Variants in NAALADL2 observed in about 807,000 individuals in gnomAD.
NAALADL2 encodes the protein inactive N-acetylated-alpha-linked acidic dipeptidase-like protein 2.
In NAALADL2, 76 loss-of-function variants were observed where a neutral mutation model predicts 87.2. That is an observed-to-expected ratio of 0.87 (90% confidence interval 0.72 to 1.05). NAALADL2 has a LOEUF of 1.05. NAALADL2 is among the 50% of genes least tolerant of loss of function. NAALADL2 has a pLI of 0.00. For missense variants in NAALADL2, 1,089 were observed against 945.8 expected, an observed-to-expected ratio of 1.15 and a Z score of -1.99; for synonymous variants, 354 against 331.0, an observed-to-expected ratio of 1.07 and a Z score of -0.75.
intron 5 of NAALADL2, among the ~76,000 whole-genome samples, chr3:175,436,699 TTTG>T (rs1718732493): frequency 2.0e-5 from 1 of 50,826 alleles, no homozygotes; most frequent in East Asian, 9.5e-4. Context: ...GATGGGGTTG[TTTG>T]TTTTTTCTTG....
chr3:175,225,388 T>G (rs1194207497), intron 2 of NAALADL2, among the ~76,000 whole-genome samples: 1 of 152,134 alleles, frequency 6.6e-6, no homozygotes, highest in Non-Finnish European at 1.5e-5. Context: ...TGATTGTGGT[T>G]ACCATTTACT....
intron 11 of NAALADL2, among the ~76,000 whole-genome samples, chr3:175,733,535 G>A (rs968266234): frequency 2.6e-5 from 4 of 152,092 alleles, no homozygotes; most frequent in African/African-American, 7.2e-5. Context: ...TGAGATTTGG[G>A]TGGGGACACA....
At chr3:174,835,053 A>G (rs192308066) in intron 3 of NAALADL2, among the ~76,000 whole-genome samples, 298 of 152,112 alleles carry the variant, frequency 2.0e-3, no homozygotes, top group Admixed American at 3.0e-3. Context: ...AATACATACT[A>G]TAGAATTAGA....
chr3:174,801,180 A>G (rs1398446348), intron 3 of NAALADL2, among the ~76,000 whole-genome samples: 2 of 152,070 alleles, frequency 1.3e-5, no homozygotes, highest in African/African-American at 2.4e-5. Context: ...GGGCAGAATT[A>G]TATGGTTTGA....
intron 5 of NAALADL2, among the ~76,000 whole-genome samples, chr3:175,402,911 A>G (rs1581743344): frequency 6.6e-6 from 1 of 152,262 alleles, no homozygotes; most frequent in South Asian, 2.1e-4. Flanking sequence ...GGGCAAGGTC[A>G]TATTCACACC....
At chr3:174,954,638 C>T (rs776475707) in intron 1 of NAALADL2, among the ~76,000 whole-genome samples, 2 of 151,988 alleles carry the variant, frequency 1.3e-5, no homozygotes, top group African/African-American at 4.8e-5. Flanking sequence ...ATTTGGTATA[C>T]TCAGTAAACA....
At chr3:175,056,150 C>A (rs6793593) in intron 1 of NAALADL2, among the ~76,000 whole-genome samples, 62,465 of 151,768 alleles carry the variant, frequency 0.41, 14,788 homozygotes, top group African/African-American at 0.66. Context: ...CTGGAGGGTC[C>A]GGCCGCTCTT....
chr3:174,955,352 T>C (rs933805052), intron 1 of NAALADL2, among the ~76,000 whole-genome samples: 126 of 152,212 alleles, frequency 8.3e-4, no homozygotes, highest in African/African-American at 2.9e-3. Flanking sequence ...CACAGACTGA[T>C]TTTCTGGGGT....
intron 1 of NAALADL2, among the ~76,000 whole-genome samples, chr3:175,023,880 T>G (rs766616928): frequency 2.0e-5 from 3 of 152,016 alleles, no homozygotes; most frequent in Non-Finnish European, 4.4e-5. Context: ...AAATTAGCTA[T>G]TTCACTGACA....
At chr3:175,032,529 G>A (rs529055693) in intron 1 of NAALADL2, among the ~76,000 whole-genome samples, 3 of 151,856 alleles carry the variant, frequency 2.0e-5, no homozygotes, top group Non-Finnish European at 4.4e-5. Context: ...TATAGAACTT[G>A]TACCACAATA....
At chr3:175,664,192 G>A (rs1185149586) in intron 11 of NAALADL2, among the ~76,000 whole-genome samples, 1 of 152,022 alleles carries the variant, frequency 6.6e-6, no homozygotes, top group African/African-American at 2.4e-5. Flanking sequence ...ACATCAGTGT[G>A]CTAGATTTAA....
intron 5 of NAALADL2, among the ~76,000 whole-genome samples, chr3:175,330,090 A>C (rs552949138): frequency 1.3e-5 from 2 of 152,178 alleles, no homozygotes; most frequent in Non-Finnish European, 2.9e-5. Flanking sequence ...AGAGACAATC[A>C]GTTTGTTTAG....
chr3:175,272,444 A>G (rs1335714205), intron 4 of NAALADL2, among the ~76,000 whole-genome samples: 1 of 152,118 alleles, frequency 6.6e-6, no homozygotes, highest in Non-Finnish European at 1.5e-5. Context: ...CAGAGTTAAG[A>G]TTAATTGGTT....
chr3:175,743,669 G>T (rs973705243), intron 12 of NAALADL2, among the ~76,000 whole-genome samples: 1 of 152,220 alleles, frequency 6.6e-6, no homozygotes, highest in African/African-American at 2.4e-5. Flanking sequence ...GTAGTGAAAA[G>T]GAGGTAGGAC....
intron 5 of NAALADL2, among the ~76,000 whole-genome samples, chr3:175,384,110 C>A (rs1430121155): frequency 1.3e-5 from 2 of 151,896 alleles, no homozygotes; most frequent in African/African-American, 4.8e-5. Context: ...CTCTTTTCTC[C>A]CCTGCCTTAT....
chr3:175,471,812 A>AT, intron 9 of NAALADL2, 54 bp downstream of exon 9: 1 of 1,426,822 alleles, frequency 7.0e-7, no homozygotes, highest in Non-Finnish European at 9.5e-7. Context: ...CCTTTTCTCT[A>AT]TATTTTGACA....
intron 2 of NAALADL2, among the ~76,000 whole-genome samples, chr3:174,626,041 A>G (rs913728421): frequency 6.6e-6 from 1 of 151,314 alleles, no homozygotes; most frequent in Non-Finnish European, 1.5e-5. Context: ...ATTCAAATAT[A>G]TTTATTGTGC....
chr3:175,584,039 CT>C lies in NAALADL2; in HGVS notation c.1800+7866del, dbSNP rs5854648. On this transcript the variant is annotated intron_variant, in intron 10 of 13. Coordinates refer to ENST00000454872, the MANE Select transcript of NAALADL2 (RefSeq NM_207015.3). ...AGTGAGGAAGGTACTATTGTCACTA[CT>C]TTTTTTTTTTTTTCTGCGATGGAGT... 7.7e-4 allele frequency among the ~76,000 whole-genome samples: 111 copies of C among 144,084 alleles called. 1 individual carries two copies. The highest frequency in any genetic ancestry group is 6.4e-3 in the East Asian group (32 of 4,972). The allele number at this position is 144,084 out of a possible 152,430, so 94.5% of individuals were successfully genotyped here. A position where few individuals can be genotyped will look rare whatever the true frequency, so the allele number is the denominator to read the frequency against.
At chr3:174,897,342 C>A (rs926322719) in intron 1 of NAALADL2, among the ~76,000 whole-genome samples, 2 of 150,772 alleles carry the variant, frequency 1.3e-5, no homozygotes, top group South Asian at 4.2e-4. Context: ...ATAATCTTAT[C>A]AAAAAGTGGG....
Sources: allele counts gnomAD v4.1 joint callset (sites outside exome capture counted in the v4.1 genomes callset), GRCh38; gene constraint gnomAD v4.1.1; transcripts MANE v1.5; gene names NCBI Gene and HGNC (gene_info 2026-07-23, HGNC 2026-07-21).